Variants in THSD7A observed in about 807,000 individuals in gnomAD.
THSD7A encodes thrombospondin type-1 domain-containing protein 7A.
A neutral mutation model predicts 231.3 loss-of-function variants in THSD7A; 96 were observed. That is an observed-to-expected ratio of 0.41 (90% CI 0.35 to 0.49). THSD7A has a LOEUF of 0.49. Among genes scored for constraint, THSD7A ranks in the 20% least tolerant of loss-of-function variants. The pLI, the probability that THSD7A is intolerant of heterozygous loss-of-function variation, is 0.05. For synonymous variants in THSD7A, 940 were observed against 743.3 expected, an observed-to-expected ratio of 1.26 and a Z score of -4.30; for missense variants, 2,290 against 2,070.2, an observed-to-expected ratio of 1.11 and a Z score of -2.06.
At chr7:11,387,668 A>T (rs1782805504) in intron 23 of THSD7A, among the ~76,000 whole-genome samples, 1 of 152,138 alleles carries the variant, frequency 6.6e-6, no homozygotes, top group African/African-American at 2.4e-5. Flanking sequence ...AGACAACTTG[A>T]CTTCCTCTTT....
chr7:11,760,855 T>C lies in THSD7A; in HGVS notation c.190+70902A>G, dbSNP rs1457912534. Among the ~76,000 whole-genome samples, 3 of 151,390 alleles carry C rather than the reference T, an allele frequency of 2.0e-5. No individual in the cohort carries two copies. The East Asian group carries it at 5.8e-4, about 29-fold the overall frequency. ...TCTTAAAATTTGCTTTTAAGAACAT[T>C]TTAAAAATCCATTATCATACCACAG... On this transcript the variant is annotated intron_variant, in intron 1 of 27. Transcript: ENST00000423059.
intron 1 of THSD7A, among the ~76,000 whole-genome samples, chr7:11,647,774 T>C (rs771867074): frequency 6.6e-6 from 1 of 152,088 alleles, no homozygotes. Context: ...TTAGGAAGTG[T>C]GTGATATTGG....
chr7:11,522,836 T>C (rs1321549586), intron 6 of THSD7A, among the ~76,000 whole-genome samples: 1 of 152,168 alleles, frequency 6.6e-6, no homozygotes, highest in South Asian at 2.1e-4. Flanking sequence ...TATCAATTCA[T>C]AGCACACATT....
chr7:11,523,579 T>G (rs537810764), intron 6 of THSD7A, among the ~76,000 whole-genome samples: 12 of 152,054 alleles, frequency 7.9e-5, no homozygotes, highest in African/African-American at 2.9e-4. Flanking sequence ...GGAAAAACTA[T>G]TAATCAATGA....
rs572836280 is a variant in THSD7A, at chr7:11,561,347, G to T, written c.1454-18230C>A. ...AGATAATCACATATCAAACCTAGTG[G>T]TCTATCAATGAAAATTATTCTGACT... On this transcript the variant is annotated intron_variant, in intron 4 of 27. Transcript: ENST00000423059. Among the ~76,000 whole-genome samples the T allele has an allele frequency of 4.5e-4, 69 of 152,210 alleles. 1 individual carries two copies. In the South Asian group the frequency reaches 0.013, roughly 30 times the overall value.
chr7:11,592,234 G>T (rs1780194728), intron 3 of THSD7A, among the ~76,000 whole-genome samples: 2 of 152,136 alleles, frequency 1.3e-5, no homozygotes, highest in Admixed American at 1.3e-4. Flanking sequence ...AAGTGCTGCA[G>T]AATTATATAT....
intron 6 of THSD7A, among the ~76,000 whole-genome samples, chr7:11,483,236 A>G (rs1325931407): frequency 1.3e-5 from 2 of 152,314 alleles, no homozygotes; most frequent in South Asian, 4.1e-4. Flanking sequence ...ATATGCTTTA[A>G]AAACAAGACA....
intron 1 of THSD7A, among the ~76,000 whole-genome samples, chr7:11,753,907 A>G (rs1388618854): frequency 6.6e-6 from 1 of 152,046 alleles, no homozygotes; most frequent in African/African-American, 2.4e-5. Context: ...TATGAATACC[A>G]CAAAACAGAG....
At chr7:11,640,654 A>T (rs116814833) in intron 1 of THSD7A, among the ~76,000 whole-genome samples, 2 of 152,052 alleles carry the variant, frequency 1.3e-5, no homozygotes, top group East Asian at 3.8e-4. Flanking sequence ...CAACTATAGT[A>T]TTTCTTACTA....
At chr7:11,486,903 C>A (rs762899681) in intron 6 of THSD7A, among the ~76,000 whole-genome samples, 103 of 152,170 alleles carry the variant, frequency 6.8e-4, no homozygotes, top group African/African-American at 2.3e-3. Flanking sequence ...TACTTTGAGG[C>A]CTTAACTGAA....
chr7:11,467,977 C>T (rs557865428), intron 9 of THSD7A, among the ~76,000 whole-genome samples: 1 of 152,026 alleles, frequency 6.6e-6, no homozygotes, highest in East Asian at 1.9e-4. Flanking sequence ...AAAATATTTT[C>T]TGTTCTTTTT....
chr7:11,492,311 C>G (rs984811816), intron 6 of THSD7A, among the ~76,000 whole-genome samples: 2 of 151,956 alleles, frequency 1.3e-5, no homozygotes, highest in African/African-American at 4.8e-5. Flanking sequence ...TCTTTCTGTA[C>G]TCCTACTGCT....
At chr7:11,481,741 C>G (rs753000417) in intron 7 of THSD7A, 47 bp downstream of exon 7, 1 of 1,505,880 alleles carries the variant, frequency 6.6e-7, no homozygotes, top group East Asian at 2.3e-5. Flanking sequence ...AAGATGCACA[C>G]TAACTTTTGA....
chr7:11,799,766 A>T (rs925330857), intron 1 of THSD7A, among the ~76,000 whole-genome samples: 15 of 152,216 alleles, frequency 9.9e-5, no homozygotes, highest in African/African-American at 3.4e-4. Context: ...ACACAAAGCT[A>T]CACAAAGCTA....
rs900174211 is a variant in THSD7A, at chr7:11,502,517, A to G, written c.1823-20535T>C. Among the ~76,000 whole-genome samples the G allele has an allele frequency of 7.2e-5, 11 of 152,374 alleles. No homozygotes were observed. In the South Asian group the frequency reaches 1.7e-3, roughly 23 times the overall value. On this transcript the variant is annotated intron_variant, in intron 6 of 27. Transcript: ENST00000423059. ...AATAAATGTGATTCATCATATAAAC[A>G]GAACTAAAGAAAAAAACCCACGATT...
At chr7:11,751,716 T>C (rs937988030) in intron 1 of THSD7A, among the ~76,000 whole-genome samples, 49 of 152,120 alleles carry the variant, frequency 3.2e-4, no homozygotes, top group African/African-American at 1.2e-3. Flanking sequence ...TTTTAGACTT[T>C]ACGGTACACT....
chr7:11,704,018 A>T (rs891400348), intron 1 of THSD7A, among the ~76,000 whole-genome samples: 1 of 151,250 alleles, frequency 6.6e-6, no homozygotes, highest in African/African-American at 2.4e-5. Flanking sequence ...TCACTTAATT[A>T]GTGGTATCTT....
chr7:11,461,922 T>C, intron 10 of THSD7A, 89 bp downstream of exon 10: 1 of 1,483,780 alleles, frequency 6.7e-7, no homozygotes, highest in Non-Finnish European at 9.2e-7. Flanking sequence ...GAAGGAACAG[T>C]GTTGACTTCC....
At chr7:11,647,668 A>C (rs1282467723) in intron 1 of THSD7A, among the ~76,000 whole-genome samples, 1 of 152,112 alleles carries the variant, frequency 6.6e-6, no homozygotes, top group Admixed American at 6.6e-5. Context: ...AAGTCCTCTG[A>C]TTATGATGCT....
Sources: allele counts gnomAD v4.1 joint callset (sites outside exome capture counted in the v4.1 genomes callset), GRCh38; gene constraint gnomAD v4.1.1; transcripts MANE v1.5; gene names NCBI Gene and HGNC (gene_info 2026-07-23, HGNC 2026-07-21).